ACTR3C: variants seen among roughly 807,000 people sequenced by gnomAD.
The protein encoded by ACTR3C is actin related protein 3C.
ACTR3C carries 18 observed loss-of-function variants against 26.3 expected under a neutral mutation model. The observed-to-expected ratio is 0.68, with a 90% CI of 0.47 to 1.01. The LOEUF (loss-of-function observed/expected upper bound fraction) is 1.01. Ranked by LOEUF, ACTR3C falls within the 50% of genes least tolerant of loss-of-function variation. The pLI is 0.00. For missense variants in ACTR3C, 184 were observed against 250.7 expected, an observed-to-expected ratio of 0.73 and a Z score of 1.80; for synonymous variants, 55 against 94.5, an observed-to-expected ratio of 0.58 and a Z score of 2.42.
chr7:150,219,568 C>T, the ACTR3C span, among the ~76,000 whole-genome samples: 5 of 140,286 alleles, frequency 3.6e-5, no homozygotes, highest in Non-Finnish European at 5.9e-5. Context: ...CCACAGGATC[C>T]GTGCGAAATC....
intron 1 of ACTR3C, among the ~76,000 whole-genome samples, chr7:150,322,006 A>C (rs1797566142): frequency 6.6e-6 from 1 of 152,230 alleles, no homozygotes; most frequent in Non-Finnish European, 1.5e-5. Flanking sequence ...CAGGGAGACA[A>C]AAGTTGTTCA....
At chr7:150,016,697 C>A in the ACTR3C span, among the ~76,000 whole-genome samples, 186 of 152,134 alleles carry the variant, frequency 1.2e-3, 1 homozygote, top group Non-Finnish European at 2.5e-3. Flanking sequence ...TGGGTGGCAC[C>A]AAGACAGGTA....
chr7:149,918,771 T>C, the ACTR3C span, among the ~76,000 whole-genome samples: 1 of 152,100 alleles, frequency 6.6e-6, no homozygotes, highest in African/African-American at 2.4e-5. Context: ...AACAGCAAGA[T>C]TTTGGCCCTG....
the ACTR3C span, among the ~76,000 whole-genome samples, chr7:150,166,639 C>G: frequency 4.7e-5 from 7 of 150,086 alleles, 1 homozygote; most frequent in African/African-American, 1.8e-4. Context: ...GCAGAGGTTG[C>G]AGTGAGCCAA....
the ACTR3C span, among the ~76,000 whole-genome samples, chr7:150,043,496 G>A: frequency 6.6e-6 from 1 of 152,224 alleles, no homozygotes; most frequent in African/African-American, 2.4e-5. Context: ...AAACAGGGTG[G>A]CCATCCTTTA....
chr7:150,092,075 G>A, the ACTR3C span, among the ~76,000 whole-genome samples: 1 of 144,358 alleles, frequency 6.9e-6, no homozygotes, highest in South Asian at 2.4e-4. Flanking sequence ...CGGGAGAGAT[G>A]GACTCTGCTG....
At chr7:150,041,632 G>C in the ACTR3C span, among the ~76,000 whole-genome samples, 1 of 116,636 alleles carries the variant, frequency 8.6e-6, no homozygotes, top group East Asian at 3.4e-4. Flanking sequence ...CTCGCGGGGG[G>C]TGCCTCCCCC....
chr7:150,285,160 G>A (rs1297029104), intron 5 of ACTR3C, among the ~76,000 whole-genome samples: 5 of 152,138 alleles, frequency 3.3e-5, no homozygotes, highest in Admixed American at 2.0e-4. Context: ...GTATGTGCAC[G>A]ATCTACGTGA....
the ACTR3C span, among the ~76,000 whole-genome samples, chr7:150,046,665 C>T: frequency 1.4e-5 from 2 of 140,828 alleles, no homozygotes; most frequent in South Asian, 5.0e-4. Context: ...TCTCTTTTCC[C>T]TGGGAAAAGA....
At chr7:150,191,821 C>T in the ACTR3C span, among the ~76,000 whole-genome samples, 1 of 152,110 alleles carries the variant, frequency 6.6e-6, no homozygotes, top group Non-Finnish European at 1.5e-5. Context: ...TTGGATTAAC[C>T]ACTCAGTTTT....
chr7:149,976,658 T>C, the ACTR3C span, among the ~76,000 whole-genome samples: 1 of 149,536 alleles, frequency 6.7e-6, no homozygotes, highest in East Asian at 1.9e-4. Context: ...GTATAGTGAA[T>C]GATAAAAGTA....
downstream of ACTR3C, among the ~76,000 whole-genome samples, chr7:150,239,560 ATAATT>A (rs1832067640): frequency 7.2e-6 from 1 of 138,488 alleles, no homozygotes; most frequent in Non-Finnish European, 1.5e-5. Flanking sequence ...ATATATATAT[ATAATT>A]TATTATAGTT....
the ACTR3C span, among the ~76,000 whole-genome samples, chr7:149,901,712 A>G: frequency 2.6e-3 from 400 of 152,048 alleles, 3 homozygotes; most frequent in African/African-American, 9.5e-3. Context: ...CCAGGAGTTC[A>G]AGACTAGACT....
chr7:150,153,097 T>C, the ACTR3C span, among the ~76,000 whole-genome samples: 2 of 152,104 alleles, frequency 1.3e-5, no homozygotes, highest in African/African-American at 4.8e-5. Flanking sequence ...ACTTAAACAT[T>C]AGACCTAAAA....
the ACTR3C span, among the ~76,000 whole-genome samples, chr7:150,082,934 C>CTTTTCTTTTTTTCTTTTTTTTT: frequency 2.9e-5 from 3 of 104,958 alleles, no homozygotes; most frequent in Admixed American, 1.0e-4. Context: ...TCTTTTTTTT[C>CTTTTCTTTTTTTCTTTTTTTTT]TTTTTTTTTT....
the ACTR3C span, among the ~76,000 whole-genome samples, chr7:150,187,072 A>G: frequency 6.6e-6 from 1 of 151,790 alleles, no homozygotes; most frequent in Non-Finnish European, 1.5e-5. Context: ...AGAATACTCT[A>G]CAGGAACACA....
At chr7:149,893,363 T>C in the ACTR3C span, among the ~76,000 whole-genome samples, 1 of 152,234 alleles carries the variant, frequency 6.6e-6, no homozygotes, top group Non-Finnish European at 1.5e-5. Flanking sequence ...TGATGTCAGA[T>C]AACATCCATC....
the ACTR3C span, among the ~76,000 whole-genome samples, chr7:150,149,797 A>G: frequency 6.6e-6 from 1 of 152,062 alleles, no homozygotes; most frequent in African/African-American, 2.4e-5. Context: ...TGTGTGTGAA[A>G]TCCTTCCCTT....
the ACTR3C span, among the ~76,000 whole-genome samples, chr7:150,067,676 A>G: frequency 1.3e-5 from 2 of 151,318 alleles, no homozygotes; most frequent in African/African-American, 2.4e-5. Flanking sequence ...CCCCAGAGCT[A>G]CAGGTGTATA....
Sources: allele counts gnomAD v4.1 joint callset (sites outside exome capture counted in the v4.1 genomes callset), GRCh38; gene constraint gnomAD v4.1.1; transcripts MANE v1.5; gene names NCBI Gene and HGNC (gene_info 2026-07-23, HGNC 2026-07-21).